Variants in CDC42BPA observed in about 807,000 individuals in gnomAD.
CDC42BPA encodes the protein serine/threonine-protein kinase MRCK alpha.
Under a neutral mutation model 223.5 loss-of-function variants are expected in CDC42BPA, and 80 were observed. The ratio of observed to expected loss-of-function variants is 0.36; its 90% CI spans 0.30 to 0.43. The LOEUF (loss-of-function observed/expected upper bound fraction) is 0.43, where lower values mean the gene tolerates loss of function less well. CDC42BPA is among the 20% of genes least tolerant of loss of function. The pLI, the probability that CDC42BPA is intolerant of heterozygous loss-of-function variation, is 1.00. For synonymous variants in CDC42BPA, 694 were observed against 718.6 expected (o/e 0.97, Z 0.55); for missense variants, 1,743 against 2,099.9 (o/e 0.83, Z 3.32).
intron 1 of CDC42BPA, among the ~76,000 whole-genome samples, chr1:227,312,587 G>A (rs1559019383): frequency 6.6e-6 from 1 of 152,096 alleles, no homozygotes; most frequent in East Asian, 1.9e-4. Context: ...GTGTGGTGGT[G>A]CATGCCTGTA....
intron 6 of CDC42BPA, 106 bp from the exon 7 acceptor site, chr1:227,147,665 G>C (rs545528935): frequency 5.9e-5 from 33 of 556,464 alleles, no homozygotes; most frequent in Middle Eastern, 4.7e-4. Flanking sequence ...ACACATCTTT[G>C]TCATTATCTG....
At chr1:227,173,149 T>C (rs1337811290) in intron 5 of CDC42BPA, among the ~76,000 whole-genome samples, 2 of 152,242 alleles carry the variant, frequency 1.3e-5, no homozygotes, top group Non-Finnish European at 2.9e-5. Flanking sequence ...CTTTATAGGA[T>C]AGACCAGAAG....
chr1:227,053,221 G>A (rs930285436), intron 21 of CDC42BPA, among the ~76,000 whole-genome samples: 1 of 152,182 alleles, frequency 6.6e-6, no homozygotes, highest in Non-Finnish European at 1.5e-5. Flanking sequence ...TCTGTTCAAT[G>A]TGGAGAATTT....
At chr1:227,291,860 C>G (rs1689757619) in intron 1 of CDC42BPA, among the ~76,000 whole-genome samples, 1 of 152,042 alleles carries the variant, frequency 6.6e-6, no homozygotes, top group Non-Finnish European at 1.5e-5. Context: ...ACATGTACCA[C>G]CAGAAATTGA....
chr1:227,262,744 C>A (rs1483068943), intron 1 of CDC42BPA, among the ~76,000 whole-genome samples: 1 of 152,146 alleles, frequency 6.6e-6, no homozygotes, highest in East Asian at 1.9e-4. Flanking sequence ...CTGTGACACA[C>A]TAGAGGAACA....
intron 7 of CDC42BPA, among the ~76,000 whole-genome samples, chr1:227,146,884 A>G: frequency 6.6e-6 from 1 of 152,112 alleles, no homozygotes. Flanking sequence ...ACACCAATTT[A>G]TATTCCTATT....
At chr1:227,215,108 T>C (rs565396180) in intron 2 of CDC42BPA, among the ~76,000 whole-genome samples, 1 of 152,146 alleles carries the variant, frequency 6.6e-6, no homozygotes, top group Admixed American at 6.5e-5. Context: ...CAAACCCCAA[T>C]GAGAATGTTA....
chr1:227,222,786 T>C (rs368334627), intron 2 of CDC42BPA, among the ~76,000 whole-genome samples: 1 of 152,242 alleles, frequency 6.6e-6, no homozygotes, highest in Non-Finnish European at 1.5e-5. Flanking sequence ...TTTGGGGTCA[T>C]CATACAGGTT....
chr1:227,002,376 G>A (rs1365100733), intron 35 of CDC42BPA, among the ~76,000 whole-genome samples: 2 of 152,230 alleles, frequency 1.3e-5, no homozygotes, highest in Non-Finnish European at 2.9e-5. Context: ...ATTGTGGTCA[G>A]GGCTACATAC....
rs555865854 is a variant in CDC42BPA, at chr1:227,317,501, A to C, written c.-319T>G. On this transcript the variant is annotated 5_prime_UTR_variant, in exon 1 of 37. Transcript: ENST00000366766. ...TAAAAGTACAACGAACTAGAGAGTC[A>C]ACACTTCTTTAAAAAAAAAAAAAAA... 5.1e-6 allele frequency: 2 copies of C among 388,408 alleles called. No homozygotes were observed. Among genetic ancestry groups the C allele is most frequent in the Non-Finnish European group, 8.9e-6 (2 of 223,962 alleles). 24.1% of individuals were successfully genotyped at this position (388,408 alleles called of 1,614,324 possible).
chr1:227,187,690 A>AC (rs538526428), intron 5 of CDC42BPA, among the ~76,000 whole-genome samples: 3,549 of 83,910 alleles, frequency 0.042, 141 homozygotes, highest in Non-Finnish European at 0.056. Flanking sequence ...CCCCCCCCCC[A>AC]AAAAAAAAAA....
In CDC42BPA at chr1:227,168,497, G is replaced by GTGTTTTTTTTTTTTT. The variant is rs1302291274; in HGVS notation, c.600-7862_600-7861insAAAAAAAAAAAAACA. Among the ~76,000 whole-genome samples, 251 of 80,180 alleles carry GTGTTTTTTTTTTTTT rather than the reference G, an allele frequency of 3.1e-3. 23 individuals are homozygous for GTGTTTTTTTTTTTTT. The highest frequency in any genetic ancestry group is 3.9e-3 in the African/African-American group (79 of 20,190). The allele number at this position is 80,180 out of a possible 152,430, so 52.6% of individuals were successfully genotyped here. ...CTTTTTCATATTTATCTTCCCTGGTGTTTTTTTTTTTTTTTTGAGGCAGAG... is the reference window on the plus strand; with the variant it reads ...CTTTTTCATATTTATCTTCCCTGGTGTGTTTTTTTTTTTTTTTTTTTTTTTTTTTTTGAGGCAGAG... On this transcript the variant is annotated intron_variant, in intron 5 of 36. Transcript: ENST00000366766.
At chr1:227,250,628 GTGTGTGTGTGTA>G (rs1681823415) in intron 2 of CDC42BPA, among the ~76,000 whole-genome samples, 1 of 151,948 alleles carries the variant, frequency 6.6e-6, no homozygotes, top group African/African-American at 2.4e-5. Flanking sequence ...ACTGAAGTGT[GTGTGTGTGTGTA>G]TGTGTGTGTG....
chr1:227,010,924 G>A (rs754134437), intron 34 of CDC42BPA: 79 of 1,365,174 alleles, frequency 5.8e-5, no homozygotes, highest in East Asian at 3.6e-4. Context: ...GCGCAGAGAC[G>A]GGGAATATTC....
intron 7 of CDC42BPA, among the ~76,000 whole-genome samples, chr1:227,146,413 T>C (rs1242354177): frequency 6.6e-6 from 1 of 152,162 alleles, no homozygotes; most frequent in African/African-American, 2.4e-5. Flanking sequence ...TCTTTATAAC[T>C]ATATGAAACA....
At chr1:227,232,400 AG>A (rs1678153882) in intron 2 of CDC42BPA, among the ~76,000 whole-genome samples, 1 of 152,178 alleles carries the variant, frequency 6.6e-6, no homozygotes, top group South Asian at 2.1e-4. Flanking sequence ...TATAGTTTGA[AG>A]TCAGGCAGCG....
At chr1:227,120,800 C>CT (rs1301635493) in intron 11 of CDC42BPA, among the ~76,000 whole-genome samples, 1 of 152,146 alleles carries the variant, frequency 6.6e-6, no homozygotes, top group Non-Finnish European at 1.5e-5. Context: ...CATTATTACT[C>CT]TAAGTCAGCA....
intron 1 of CDC42BPA, among the ~76,000 whole-genome samples, chr1:227,288,364 G>A (rs1161514009): frequency 6.6e-6 from 1 of 151,750 alleles, no homozygotes; most frequent in Admixed American, 6.6e-5. Flanking sequence ...AACAGAGGGA[G>A]ATCCTGCCTC....
At position 226,990,003 on chromosome 1, in the gene CDC42BPA, CATT is replaced by C. The variant is rs766665465; in HGVS notation, c.*4262_*4264del. The C allele has an allele frequency of 2.0e-5, 3 of 152,640 alleles. No homozygotes were observed. Among genetic ancestry groups the C allele is most frequent in the South Asian group, 2.1e-4 (1 of 4,832 alleles). 9.5% of individuals were successfully genotyped at this position (152,640 alleles called of 1,614,324 possible). A position where few individuals can be genotyped will look rare whatever the true frequency, so the allele number is the denominator to read the frequency against. ...TATTTCTGTGCAAAAGAATCCACAT[CATT>C]GTTTGGTAGCAGAGGATCTCTTAAA... On this transcript the variant is annotated 3_prime_UTR_variant, in exon 37 of 37. Coordinates refer to ENST00000366766, the MANE Select transcript of CDC42BPA (RefSeq NM_001394014.1).
Sources: gnomAD v4.1 joint callset for allele counts (sites outside exome capture counted in the v4.1 genomes callset) on GRCh38, gnomAD v4.1.1 for gene constraint, MANE v1.5 for transcripts, NCBI Gene and HGNC (gene_info 2026-07-23, HGNC 2026-07-21) for gene names.